GRIK2: variants seen among roughly 807,000 people sequenced by gnomAD.
The protein encoded by GRIK2 is glutamate receptor ionotropic, kainate 2.
GRIK2 carries 32 observed loss-of-function variants against 100.3 expected under a neutral mutation model. The observed-to-expected ratio is 0.32, with a 90% confidence interval of 0.24 to 0.43. The LOEUF (loss-of-function observed/expected upper bound fraction) is 0.43, where lower values mean the gene tolerates loss of function less well. GRIK2 is among the 20% of genes least tolerant of loss of function. The pLI is 1.00. For missense variants in GRIK2, 843 were observed against 1,114.9 expected, an observed-to-expected ratio of 0.76 and a Z score of 3.47; for synonymous variants, 417 against 389.4, an observed-to-expected ratio of 1.07 and a Z score of -0.83.
chr6:101,552,759 T>G (rs186929046), intron 2 of GRIK2, among the ~76,000 whole-genome samples: 5 of 152,276 alleles, frequency 3.3e-5, no homozygotes, highest in Admixed American at 2.6e-4. Context: ...CAGCATTCTA[T>G]TATAAGCTTA....
At chr6:101,775,648 G>T (rs188830725) in intron 7 of GRIK2, among the ~76,000 whole-genome samples, 2 of 151,004 alleles carry the variant, frequency 1.3e-5, no homozygotes, top group Admixed American at 6.6e-5. Flanking sequence ...CACATTCCCC[G>T]CCCCGGTCTG....
chr6:101,689,928 A>G (rs1230779277), intron 7 of GRIK2, among the ~76,000 whole-genome samples: 1 of 152,100 alleles, frequency 6.6e-6, no homozygotes, highest in African/African-American at 2.4e-5. Context: ...TTTATTGCAA[A>G]ATCAGATAAC....
At chr6:101,761,237 G>A (rs1024800330) in intron 7 of GRIK2, among the ~76,000 whole-genome samples, 6 of 152,162 alleles carry the variant, frequency 3.9e-5, no homozygotes, top group Admixed American at 2.6e-4. Context: ...TGGAAACAAT[G>A]TGAATTGCTG....
intron 4 of GRIK2, among the ~76,000 whole-genome samples, chr6:101,640,217 A>C (rs1781221568): frequency 6.6e-6 from 1 of 152,192 alleles, no homozygotes; most frequent in African/African-American, 2.4e-5. Context: ...CTCTAGAGTT[A>C]TATTCAGGGG....
intron 7 of GRIK2, among the ~76,000 whole-genome samples, chr6:101,764,843 A>G (rs9498692): frequency 0.15 from 22,322 of 152,038 alleles, 3,536 homozygotes; most frequent in African/African-American, 0.4. Context: ...ACACTTTAAT[A>G]TCTTCCACTC....
chr6:101,963,759 C>T (rs553584145), intron 14 of GRIK2, among the ~76,000 whole-genome samples: 1 of 152,154 alleles, frequency 6.6e-6, no homozygotes, highest in South Asian at 2.1e-4. Context: ...CCAAACCCAA[C>T]CATACATCAT....
At chr6:101,502,709 G>A (rs1773823601) in intron 2 of GRIK2, among the ~76,000 whole-genome samples, 1 of 152,108 alleles carries the variant, frequency 6.6e-6, no homozygotes, top group Non-Finnish European at 1.5e-5. Flanking sequence ...GTCAGGTATT[G>A]GTGAATGGGT....
chr6:101,586,377 A>G (rs1778363909), intron 2 of GRIK2, among the ~76,000 whole-genome samples: 1 of 152,096 alleles, frequency 6.6e-6, no homozygotes, highest in African/African-American at 2.4e-5. Context: ...TCCTCATGGT[A>G]CAGAGATCTC....
At chr6:101,839,091 A>G (rs895351367) in intron 10 of GRIK2, among the ~76,000 whole-genome samples, 1 of 151,978 alleles carries the variant, frequency 6.6e-6, no homozygotes, top group African/African-American at 2.4e-5. Flanking sequence ...CCTACAACTT[A>G]CCAGTTACCT....
chr6:101,859,254 G>T (rs1784605367), intron 10 of GRIK2, 33 bp from the exon 11 acceptor site: 1 of 1,126,746 alleles, frequency 8.9e-7, no homozygotes, highest in Non-Finnish European at 1.3e-6. Context: ...ATGATTAACT[G>T]TTACCTCTTT....
chr6:101,600,512 A>G (rs765684934), intron 2 of GRIK2, among the ~76,000 whole-genome samples: 4 of 151,912 alleles, frequency 2.6e-5, no homozygotes, highest in Non-Finnish European at 4.4e-5. Flanking sequence ...TTTTAGCAAT[A>G]TTGGTTCTTT....
At position 101,745,574 on chromosome 6, in the gene GRIK2, G is replaced by A. The variant is rs551015805; in HGVS notation, c.952-54074G>A. The stretch of plus-strand genomic sequence containing the variant: ...TGTATGAATAATAGATGGGCAATAT[G>A]AAATCACAGTATAAAATTTAGTTTT... On this transcript the variant is annotated intron_variant, in intron 7 of 16. Transcript: ENST00000369134. Among the ~76,000 whole-genome samples, 6 of 152,194 alleles carry A rather than the reference G, an allele frequency of 3.9e-5. No homozygotes were observed. In the South Asian group the frequency reaches 1.2e-3, roughly 32 times the overall value.
chr6:102,037,399 CAAT>C (rs949958311), intron 15 of GRIK2, among the ~76,000 whole-genome samples: 1 of 151,202 alleles, frequency 6.6e-6, no homozygotes, highest in African/African-American at 2.4e-5. Flanking sequence ...TAAAACTCAA[CAAT>C]AATTGTTTAG....
intron 2 of GRIK2, among the ~76,000 whole-genome samples, chr6:101,432,403 T>C (rs1769459033): frequency 6.6e-6 from 1 of 152,174 alleles, no homozygotes; most frequent in Admixed American, 6.5e-5. Flanking sequence ...TTTGGTAAAC[T>C]AATTTATACT....
chr6:101,779,660 G>A (rs1050065305), intron 7 of GRIK2, among the ~76,000 whole-genome samples: 6 of 152,134 alleles, frequency 3.9e-5, no homozygotes, highest in Admixed American at 6.6e-5. Context: ...GCTGCATTTA[G>A]CTGTCACATT....
intron 2 of GRIK2, among the ~76,000 whole-genome samples, chr6:101,563,492 C>T (rs1280558199): frequency 2.0e-5 from 3 of 152,060 alleles, no homozygotes; most frequent in Admixed American, 1.3e-4. Flanking sequence ...TGGATGCTTT[C>T]CAATGATGTA....
intron 7 of GRIK2, among the ~76,000 whole-genome samples, chr6:101,790,631 G>A (rs1408230526): frequency 6.8e-6 from 1 of 147,222 alleles, no homozygotes; most frequent in African/African-American, 2.6e-5. Context: ...GAGGATTTTT[G>A]CATCAATGTT....
intron 2 of GRIK2, among the ~76,000 whole-genome samples, chr6:101,532,299 A>G (rs1349332341): frequency 6.6e-6 from 1 of 151,930 alleles, no homozygotes; most frequent in Non-Finnish European, 1.5e-5. Flanking sequence ...TAACATTCTT[A>G]TCTGAGTAAC....
chr6:101,464,799 C>T (rs1409950385), intron 2 of GRIK2, among the ~76,000 whole-genome samples: 2 of 152,038 alleles, frequency 1.3e-5, no homozygotes, highest in Non-Finnish European at 1.5e-5. Context: ...GGAATACAGG[C>T]GTGAGCCACC....
Sources: gnomAD v4.1 joint callset for allele counts (sites outside exome capture counted in the v4.1 genomes callset) on GRCh38, gnomAD v4.1.1 for gene constraint, MANE v1.5 for transcripts, NCBI Gene and HGNC (gene_info 2026-07-23, HGNC 2026-07-21) for gene names.